Variants in VPS13B observed in about 807,000 individuals in gnomAD.
VPS13B encodes the protein intermembrane lipid transfer protein VPS13B.
Under a neutral mutation model 426.4 loss-of-function variants are expected in VPS13B, and 285 were observed. The ratio of observed to expected loss-of-function variants is 0.67; its 90% CI spans 0.61 to 0.74. The LOEUF (loss-of-function observed/expected upper bound fraction) is 0.74. Among genes scored for constraint, VPS13B ranks in the 30% least tolerant of loss-of-function variants. VPS13B has a pLI of 0.00. For synonymous variants in VPS13B, 1,676 were observed against 1,676.4 expected, an observed-to-expected ratio of 1.00 and a Z score of 0.01; for missense variants, 4,537 against 4,782.6, an observed-to-expected ratio of 0.95 and a Z score of 1.51.
At chr8:99,262,121 C>T (rs1818071894) in intron 17 of VPS13B, among the ~76,000 whole-genome samples, 1 of 152,130 alleles carries the variant, frequency 6.6e-6, no homozygotes, top group Admixed American at 6.5e-5. Context: ...TCTTACTGTA[C>T]AGACTTTGTG....
intron 25 of VPS13B, among the ~76,000 whole-genome samples, chr8:99,486,696 T>C (rs543983890): frequency 3.2e-4 from 49 of 152,338 alleles, no homozygotes; most frequent in Admixed American, 1.6e-3. Context: ...CTACACTATG[T>C]CTGCAGTCCC....
At chr8:99,152,787 C>A (rs932502236) in intron 14 of VPS13B, among the ~76,000 whole-genome samples, 3 of 152,140 alleles carry the variant, frequency 2.0e-5, no homozygotes. Context: ...TTTCTTCTGT[C>A]TGAAATTAAT....
intron 19 of VPS13B, among the ~76,000 whole-genome samples, chr8:99,345,573 A>C (rs1428949536): frequency 6.6e-6 from 1 of 152,212 alleles, no homozygotes; most frequent in East Asian, 1.9e-4. Flanking sequence ...CATATAAAAC[A>C]GTGAGTAGAA....
chr8:99,853,031 C>T (rs867602926), intron 55 of VPS13B, among the ~76,000 whole-genome samples: 1 of 152,064 alleles, frequency 6.6e-6, no homozygotes, highest in South Asian at 2.1e-4. Context: ...GACTCAGGCA[C>T]GGTTGATGGG....
At chr8:99,064,393 C>G (rs1311731175) in intron 3 of VPS13B, among the ~76,000 whole-genome samples, 2 of 152,108 alleles carry the variant, frequency 1.3e-5, no homozygotes, top group African/African-American at 4.8e-5. Flanking sequence ...CTAGAATAAA[C>G]AGTATAGAGA....
chr8:99,505,530 A>G (rs1400301952), intron 27 of VPS13B, among the ~76,000 whole-genome samples: 2 of 152,172 alleles, frequency 1.3e-5, no homozygotes, highest in Admixed American at 1.3e-4. Flanking sequence ...CAGTGGAGCA[A>G]TCAGAAAACA....
Position 99,304,876 on chromosome 8 carries a change from C to T in VPS13B, c.2824+29622C>T, listed in dbSNP as rs1428124446. On this transcript the variant is annotated intron_variant, in intron 19 of 61. Transcript: ENST00000357162. The stretch of plus-strand genomic sequence containing the variant: ...CCTTTCAAAATATGTTTTACTGCCC[C>T]CCTCCCAATGTTTTCTGTATAAAGT... Among the ~76,000 whole-genome samples, 9 of 151,994 alleles carry T rather than the reference C, an allele frequency of 5.9e-5. 1 individual carries two copies. The highest frequency in any genetic ancestry group is 5.9e-4 in the Admixed American group (9 of 15,246).
chr8:99,436,895 T>C (rs1484839933), intron 22 of VPS13B, among the ~76,000 whole-genome samples: 1 of 152,016 alleles, frequency 6.6e-6, no homozygotes, highest in African/African-American at 2.4e-5. Flanking sequence ...CCCGCCACCA[T>C]GCCCAGCTAA....
At chr8:99,089,743 C>G (rs1846042049) in intron 3 of VPS13B, among the ~76,000 whole-genome samples, 1 of 152,080 alleles carries the variant, frequency 6.6e-6, no homozygotes, top group African/African-American at 2.4e-5. Flanking sequence ...AAAAAGGTGC[C>G]AGACTCTTAG....
At chr8:99,824,864 G>A (rs1814582135) in intron 51 of VPS13B, among the ~76,000 whole-genome samples, 1 of 152,120 alleles carries the variant, frequency 6.6e-6, no homozygotes, top group African/African-American at 2.4e-5. Context: ...TGCTGAGAAT[G>A]ATGGTTTTCA....
At chr8:99,130,028 C>T (rs1386606552) in intron 8 of VPS13B, among the ~76,000 whole-genome samples, 1 of 152,122 alleles carries the variant, frequency 6.6e-6, no homozygotes, top group African/African-American at 2.4e-5. Context: ...AAAACACAAA[C>T]AAAGGCAAAC....
chr8:99,578,722 A>G (rs1825892027), intron 33 of VPS13B, among the ~76,000 whole-genome samples: 2 of 152,202 alleles, frequency 1.3e-5, no homozygotes, highest in African/African-American at 4.8e-5. Flanking sequence ...CCTCTGAAGC[A>G]AGTTGAGTTG....
At chr8:99,394,698 G>C (rs1357672319) in intron 21 of VPS13B, among the ~76,000 whole-genome samples, 1 of 152,098 alleles carries the variant, frequency 6.6e-6, no homozygotes, top group African/African-American at 2.4e-5. Context: ...TGATGGAGAT[G>C]AAAACTTAAC....
chr8:99,657,771 C>T (rs1192646832), intron 34 of VPS13B, among the ~76,000 whole-genome samples: 1 of 151,988 alleles, frequency 6.6e-6, no homozygotes, highest in Non-Finnish European at 1.5e-5. Flanking sequence ...CTTATATATT[C>T]TTAAGTGTTT....
In VPS13B at chr8:99,082,831, T is replaced by C. The variant is rs187386106; in HGVS notation, c.292-13481T>C. ...GTTCCATTGATCTACATCTCTGTTT[T>C]GGTACCAGTACCATGCTGTTTTGCT... On this transcript the variant is annotated intron_variant, in intron 3 of 61. Transcript: ENST00000357162. Among the ~76,000 whole-genome samples the C allele has an allele frequency of 6.2e-3, 949 of 152,330 alleles. 7 individuals are homozygous for C. Among genetic ancestry groups the C allele is most frequent in the African/African-American group, 0.021 (890 of 41,556 alleles).
chr8:99,197,129 T>C (rs1394158178), intron 17 of VPS13B, among the ~76,000 whole-genome samples: 1 of 152,224 alleles, frequency 6.6e-6, no homozygotes, highest in Non-Finnish European at 1.5e-5. Flanking sequence ...TCATATTTAT[T>C]GACTTGTATT....
chr8:99,053,722 A>G (rs1033546179), intron 3 of VPS13B, among the ~76,000 whole-genome samples: 14 of 103,086 alleles, frequency 1.4e-4, no homozygotes, highest in African/African-American at 5.3e-4. Flanking sequence ...TTTGGTTTTG[A>G]TACAGAATCT....
At chr8:99,201,872 A>G (rs1021546440) in intron 17 of VPS13B, among the ~76,000 whole-genome samples, 8 of 152,218 alleles carry the variant, frequency 5.3e-5, no homozygotes, top group Non-Finnish European at 8.8e-5. Context: ...GATTTTCTCA[A>G]TAACTATATA....
intron 19 of VPS13B, among the ~76,000 whole-genome samples, chr8:99,282,841 A>AT (rs1300882038): frequency 4.6e-5 from 7 of 152,308 alleles, no homozygotes; most frequent in African/African-American, 1.7e-4. Flanking sequence ...AGTAGTATAA[A>AT]TTTTTTAACT....
Sources: gnomAD v4.1 joint callset for allele counts (sites outside exome capture counted in the v4.1 genomes callset) on GRCh38, gnomAD v4.1.1 for gene constraint, MANE v1.5 for transcripts, NCBI Gene and HGNC (gene_info 2026-07-23, HGNC 2026-07-21) for gene names.